Variants in SLC6A4 observed in about 807,000 individuals in gnomAD.
SLC6A4 encodes solute carrier family 6 member 4.
SLC6A4 carries 22 observed loss-of-function variants against 73.4 expected under a neutral mutation model. The ratio of observed to expected loss-of-function variants is 0.30; its 90% CI spans 0.21 to 0.43. The LOEUF is 0.43. Among genes scored for constraint, SLC6A4 ranks in the 20% least tolerant of loss-of-function variants. The pLI, the probability that SLC6A4 is intolerant of heterozygous loss-of-function variation, is 1.00. For synonymous variants in SLC6A4, 270 were observed against 315.5 expected (o/e 0.86, Z 1.53); for missense variants, 593 against 808.5 (o/e 0.73, Z 3.23).
chr17:30,211,003 C>A lies in SLC6A4; in HGVS notation c.1317+309G>T, dbSNP rs1459458340. Among the ~76,000 whole-genome samples the A allele has an allele frequency of 6.6e-6, 1 of 152,218 alleles. No individual in the cohort carries two copies. Among genetic ancestry groups the A allele is most frequent in the Non-Finnish European group, 1.5e-5 (1 of 68,042 alleles). ...AACTGAACCCTTGGCAAAGCAGAGA[C>A]CCAGGAGAGACCTCGCCCCGGCCTG... On this transcript the variant is annotated intron_variant, in intron 10 of 14. Coordinates refer to ENST00000650711, the MANE Select transcript of SLC6A4 (RefSeq NM_001045.6). The surrounding 1 kb of genome is among the most constrained non-coding windows in gnomAD (Gnocchi z 4.0).
intron 14 of SLC6A4, among the ~76,000 whole-genome samples, chr17:30,202,801 C>A (rs1181234365): frequency 6.6e-6 from 1 of 152,136 alleles, no homozygotes; most frequent in Non-Finnish European, 1.5e-5. Context: ...GGACATTTCC[C>A]ACCATAATTG....
rs931992388 is a variant in SLC6A4, at chr17:30,194,556, A to G, written c.*3900T>C. The G allele has an allele frequency of 1.3e-5, 2 of 152,224 alleles. No homozygotes were observed. The highest frequency in any genetic ancestry group is 2.9e-5 in the Non-Finnish European group (2 of 68,022). The allele number at this position is 152,224 out of a possible 1,614,324, so 9.4% of individuals were successfully genotyped here. A position where few individuals can be genotyped will look rare whatever the true frequency, so the allele number is the denominator to read the frequency against. ...ATAGTTTAAAGGCCATTCACAAAATAACTGTAAATTCCCCAATTTTATCTT... is the reference window on the plus strand; with the variant it reads ...ATAGTTTAAAGGCCATTCACAAAATGACTGTAAATTCCCCAATTTTATCTT... On this transcript the variant is annotated 3_prime_UTR_variant, in exon 15 of 15. Transcript: ENST00000650711.
intron 9 of SLC6A4, among the ~76,000 whole-genome samples, chr17:30,212,259 T>C (rs1260467884): frequency 6.6e-6 from 1 of 152,230 alleles, no homozygotes; most frequent in African/African-American, 2.4e-5. Flanking sequence ...AAAGCCATCA[T>C]CAGAGTCATC....
intron 3 of SLC6A4, among the ~76,000 whole-genome samples, chr17:30,219,271 A>G (rs1187188494): frequency 1.3e-5 from 2 of 152,146 alleles, no homozygotes; most frequent in Non-Finnish European, 2.9e-5. Flanking sequence ...TCCTCCCTAT[A>G]AAAGAACACA....
chr17:30,221,193 TCTTGAACTCCTGAC>T (rs1459967455), intron 3 of SLC6A4, among the ~76,000 whole-genome samples: 1 of 151,822 alleles, frequency 6.6e-6, no homozygotes, highest in Non-Finnish European at 1.5e-5. Flanking sequence ...GTCAGGCTGG[TCTTGAACTCCTGAC>T]CTCAGGTGAT....
chr17:30,221,563 G>T, intron 3 of SLC6A4, 53 bp downstream of exon 3: 3 of 1,514,844 alleles, frequency 2.0e-6, no homozygotes, highest in Non-Finnish European at 1.8e-6. Context: ...AGCCCACTCC[G>T]GGTCACAGCC....
rs960654637 is a variant in SLC6A4 at position 30,211,022 on chromosome 17, C to T, written c.1317+290G>A. Among the ~76,000 whole-genome samples the T allele has an allele frequency of 5.9e-5, 9 of 152,208 alleles. No individual in the cohort carries two copies. The highest frequency in any genetic ancestry group is 2.1e-4 in the South Asian group (1 of 4,826). ...CAGAGACCCAGGAGAGACCTCGCCC[C>T]GGCCTGTAGGCGCCATAATTGGGCC... On this transcript the variant is annotated intron_variant, in intron 10 of 14. Coordinates refer to ENST00000650711, the MANE Select transcript of SLC6A4 (RefSeq NM_001045.6). The surrounding 1 kb of genome is among the most constrained non-coding windows in gnomAD (Gnocchi z 4.0).
chr17:30,225,937 G>T (rs1167503257), intron 1 of SLC6A4, among the ~76,000 whole-genome samples: 10 of 152,096 alleles, frequency 6.6e-5, no homozygotes, highest in African/African-American at 2.4e-4. Flanking sequence ...CACACACTTT[G>T]TCTCTATAGC....
intron 5 of SLC6A4, 69 bp downstream of exon 5, chr17:30,218,046 CTTT>C: frequency 7.9e-7 from 1 of 1,273,148 alleles, no homozygotes; most frequent in African/African-American, 1.5e-5. Context: ...CCCTGGCCTT[CTTT>C]TTAAGAAGCC....
intron 3 of SLC6A4, among the ~76,000 whole-genome samples, chr17:30,220,898 G>A (rs1285760279): frequency 6.6e-6 from 1 of 151,994 alleles, no homozygotes; most frequent in Non-Finnish European, 1.5e-5. Flanking sequence ...GGTTTGGGAG[G>A]GCTTCACCCA....
In SLC6A4 at chr17:30,216,075, A is replaced by T. The variant is rs201766700; in HGVS notation, c.972+7T>A. The T allele has an allele frequency of 3.2e-5, 52 of 1,611,932 alleles. No individual in the cohort carries two copies. Among genetic ancestry groups the T allele is most frequent in the Middle Eastern group, 3.3e-4 (2 of 6,074 alleles). On this transcript the variant is annotated splice_region_variant and intron_variant, in intron 7 of 14. Transcript: ENST00000650711. ...GACAGGTACACATATTTCCCTCATC[A>T]TCTTACCCCTGTCTCCAGGAGTTTC...
Position 30,222,935 on chromosome 17 carries a change from G to A in SLC6A4, c.-220-20C>T, listed in dbSNP as rs1906815335. ...GGAGACCTAGGGAGAAGAGTGTGCA[G>A]GTTACTGATGCTGGGGTGGTTGGTG... On this transcript the variant is annotated intron_variant, in intron 1 of 14. Transcript: ENST00000650711. The A allele has an allele frequency of 7.1e-5, 62 of 875,928 alleles. No homozygotes were observed. The South Asian group carries it at 8.5e-4, about 12-fold the overall frequency. The allele number at this position is 875,928 out of a possible 1,614,324, so 54.3% of individuals were successfully genotyped here.
intron 8 of SLC6A4, among the ~76,000 whole-genome samples, chr17:30,214,461 T>A (rs761349074): frequency 1.3e-5 from 2 of 149,392 alleles, no homozygotes; most frequent in South Asian, 4.2e-4. Flanking sequence ...AGAAAAATTA[T>A]GGTATTTTGT....
At chr17:30,225,181 G>A (rs56355214) in intron 1 of SLC6A4, among the ~76,000 whole-genome samples, 3,845 of 151,836 alleles carry the variant, frequency 0.025, 166 homozygotes, top group African/African-American at 0.089. Context: ...ATAGAATCTG[G>A]GGTGCAAACA....
chr17:30,201,255 G>A (rs1240685666), intron 14 of SLC6A4, among the ~76,000 whole-genome samples: 1 of 152,320 alleles, frequency 6.6e-6, no homozygotes, highest in Non-Finnish European at 1.5e-5. Flanking sequence ...CAGATAAGAT[G>A]AGTACCTGCC....
chr17:30,209,413 TG>T (rs1210819765), intron 11 of SLC6A4, among the ~76,000 whole-genome samples, 171 bp from the exon 12 acceptor site: 3 of 152,140 alleles, frequency 2.0e-5, no homozygotes, highest in African/African-American at 7.2e-5. Context: ...GGCTCATGCC[TG>T]TCATCCCAGC....
chr17:30,231,359 G>GATACATATAGTTTATAT (rs1567824621), intron 1 of SLC6A4, among the ~76,000 whole-genome samples: 2 of 150,758 alleles, frequency 1.3e-5, no homozygotes, highest in Non-Finnish European at 2.9e-5. Context: ...TATACATACA[G>GATACATATAGTTTATAT]ATACATATAG....
At position 30,222,087 on chromosome 17, in the gene SLC6A4, G is replaced by A; in HGVS notation, c.-123-6C>T. On this transcript the variant is annotated splice_polypyrimidine_tract_variant and splice_region_variant and intron_variant, in intron 2 of 14. Coordinates refer to ENST00000650711, the MANE Select transcript of SLC6A4 (RefSeq NM_001045.6). Reference sequence around the variant, plus strand: ...TTGACACGTCGGGATTGACTCTGTTGGAAAGACACACAGAGGAAGGAGAAA... The same window carrying A: ...TTGACACGTCGGGATTGACTCTGTTAGAAAGACACACAGAGGAAGGAGAAA... 2 of 1,549,636 alleles carry A rather than the reference G, an allele frequency of 1.3e-6. No individual in the cohort carries two copies. Among genetic ancestry groups the A allele is most frequent in the Non-Finnish European group, 1.7e-6 (2 of 1,143,152 alleles).
chr17:30,217,133 C>T (rs199827633), intron 6 of SLC6A4, 33 bp downstream of exon 6: 8 of 1,601,954 alleles, frequency 5.0e-6, no homozygotes, highest in Non-Finnish European at 6.0e-6. Flanking sequence ...GGCCCCTGGG[C>T]AGGCCTGGGT....
Sources: allele counts gnomAD v4.1 joint callset (sites outside exome capture counted in the v4.1 genomes callset), GRCh38; gene constraint gnomAD v4.1.1; non-coding constraint Gnocchi (gnomAD v3.1); transcripts MANE v1.5; gene names NCBI Gene and HGNC (gene_info 2026-07-23, HGNC 2026-07-21).